Variants in ATXN2 observed in about 807,000 individuals in gnomAD.
ATXN2 encodes the protein ataxin 2.
In ATXN2, 37 loss-of-function variants were observed where a neutral mutation model predicts 138.6. The observed-to-expected ratio is 0.27, with a 90% CI of 0.21 to 0.35. The LOEUF is 0.35. Ranked by LOEUF, ATXN2 falls within the 10% of genes least tolerant of loss-of-function variation. The probability of loss-of-function intolerance (pLI) is 1.00; values close to 1 mark genes in which losing one functional copy is unlikely to be tolerated. For synonymous variants in ATXN2, 549 were observed against 543.7 expected, an observed-to-expected ratio of 1.01 and a Z score of -0.13; for missense variants, 1,216 against 1,480.3, an observed-to-expected ratio of 0.82 and a Z score of 2.93.
Position 111,552,807 on chromosome 12 carries a change from G to C in ATXN2, c.420+99C>G. 1 of 764,842 alleles carries C rather than the reference G, an allele frequency of 1.3e-6. No homozygotes were observed. Among genetic ancestry groups the C allele is most frequent in the Admixed American group, 3.3e-5 (1 of 29,930 alleles). The allele number at this position is 764,842 out of a possible 1,614,324, so 47.4% of individuals were successfully genotyped here. ...TAAAATAATCAGTATTTGAAACTGA[G>C]AAGTAAAATCATTCAAAGTGGCTTT... On this transcript the variant is annotated intron_variant, in intron 4 of 24. Coordinates refer to ENST00000673436, the MANE Select transcript of ATXN2 (RefSeq NM_001372574.1). This position sits in a 1 kb window ranked among gnomAD's most constrained non-coding sequence, Gnocchi z 4.1.
intron 14 of ATXN2, among the ~76,000 whole-genome samples, chr12:111,506,820 C>T (rs539081082): frequency 1.6e-4 from 25 of 152,198 alleles, no homozygotes; most frequent in Non-Finnish European, 3.1e-4. Context: ...CGCGCCGCCA[C>T]GCCTGACTGG....
At chr12:111,535,273 T>C (rs184827910) in intron 5 of ATXN2, among the ~76,000 whole-genome samples, 1 of 152,250 alleles carries the variant, frequency 6.6e-6, no homozygotes, top group East Asian at 1.9e-4. Context: ...TGAAAAAGTA[T>C]CTAAAACTCT....
chr12:111,462,453 T>TA (rs1287684773), intron 21 of ATXN2, among the ~76,000 whole-genome samples: 1 of 152,136 alleles, frequency 6.6e-6, no homozygotes, highest in African/African-American at 2.4e-5. Flanking sequence ...TTGCAAAACT[T>TA]ATAAAACAAA....
chr12:111,595,779 G>A (rs913248905), intron 1 of ATXN2, among the ~76,000 whole-genome samples: 34 of 152,182 alleles, frequency 2.2e-4, no homozygotes, highest in African/African-American at 8.2e-4. Context: ...CTGATGGTTG[G>A]GGGCAGTGGC....
intron 14 of ATXN2, among the ~76,000 whole-genome samples, chr12:111,506,555 T>TA (rs1042411730): frequency 1.3e-5 from 2 of 151,786 alleles, no homozygotes; most frequent in East Asian, 1.9e-4. Flanking sequence ...TGAATGATGT[T>TA]AAAAAAAATA....
At chr12:111,487,208 A>G (rs114591838) in intron 15 of ATXN2, among the ~76,000 whole-genome samples, 2,316 of 151,882 alleles carry the variant, frequency 0.015, 61 homozygotes, top group African/African-American at 0.053. Context: ...CCTCCTGATT[A>G]GCTGGGATTA....
intron 14 of ATXN2, among the ~76,000 whole-genome samples, chr12:111,499,418 T>C (rs1168461366): frequency 6.6e-6 from 1 of 152,152 alleles, no homozygotes; most frequent in Non-Finnish European, 1.5e-5. Context: ...AAAGACGACA[T>C]ACAGGCTGGG....
At chr12:111,542,116 C>T (rs925662786) in intron 5 of ATXN2, among the ~76,000 whole-genome samples, 3 of 147,240 alleles carry the variant, frequency 2.0e-5, no homozygotes, top group African/African-American at 4.9e-5. Context: ...AAATTGACAA[C>T]GTTGTAGTAT....
chr12:111,542,951 T>C (rs1484005460), intron 5 of ATXN2, among the ~76,000 whole-genome samples: 1 of 152,208 alleles, frequency 6.6e-6, no homozygotes, highest in African/African-American at 2.4e-5. Context: ...AGAGAATTTC[T>C]ATATACTCTA....
intron 5 of ATXN2, among the ~76,000 whole-genome samples, chr12:111,526,771 A>G (rs972752976): frequency 6.6e-6 from 1 of 152,196 alleles, no homozygotes; most frequent in African/African-American, 2.4e-5. Context: ...GCAGCCAAAT[A>G]TATGTGGATT....
chr12:111,561,160 G>A (rs1378128707), intron 1 of ATXN2, among the ~76,000 whole-genome samples: 2 of 151,848 alleles, frequency 1.3e-5, no homozygotes, highest in Non-Finnish European at 2.9e-5. Context: ...ACTCCAGCCT[G>A]GGCAATACAG....
intron 18 of ATXN2, among the ~76,000 whole-genome samples, chr12:111,474,641 T>C (rs188250227): frequency 6.6e-6 from 1 of 152,184 alleles, no homozygotes; most frequent in Non-Finnish European, 1.5e-5. Flanking sequence ...AACTTAAAGA[T>C]ACACACTAAA....
chr12:111,591,242 T>C (rs1482529341), intron 1 of ATXN2, among the ~76,000 whole-genome samples: 1 of 152,088 alleles, frequency 6.6e-6, no homozygotes, highest in African/African-American at 2.4e-5. Context: ...AAAACCATCT[T>C]CCACAAAACC....
intron 1 of ATXN2, among the ~76,000 whole-genome samples, chr12:111,567,394 G>C (rs1883070836): frequency 6.6e-6 from 1 of 151,784 alleles, no homozygotes; most frequent in Non-Finnish European, 1.5e-5. Context: ...CAGATACTCA[G>C]GAGGCTGAGG....
At chr12:111,543,970 T>C (rs774966545) in intron 5 of ATXN2, among the ~76,000 whole-genome samples, 25 of 152,056 alleles carry the variant, frequency 1.6e-4, no homozygotes, top group South Asian at 6.2e-4. Flanking sequence ...CCCAGCTACT[T>C]GGGAGGCTGA....
At chr12:111,477,180 T>TA (rs57940846) in intron 18 of ATXN2, among the ~76,000 whole-genome samples, 34,228 of 121,492 alleles carry the variant, frequency 0.28, 5,631 homozygotes, top group East Asian at 0.89. Flanking sequence ...CTGTCTCTAC[T>TA]AAAAAAAAAA....
At chr12:111,537,838 G>A (rs1397758740) in intron 5 of ATXN2, among the ~76,000 whole-genome samples, 1 of 152,052 alleles carries the variant, frequency 6.6e-6, no homozygotes, top group Admixed American at 6.6e-5. Context: ...GTTCATGCCT[G>A]TAATCCCAGC....
intron 1 of ATXN2, among the ~76,000 whole-genome samples, chr12:111,580,346 C>T (rs1883925215): frequency 6.6e-6 from 1 of 151,426 alleles, no homozygotes; most frequent in Non-Finnish European, 1.5e-5. Flanking sequence ...AGTAATTAGC[C>T]GGACATGGTG....
chr12:111,485,913 T>C, intron 16 of ATXN2, 48 bp from the exon 17 acceptor site: 1 of 1,557,644 alleles, frequency 6.4e-7, no homozygotes, highest in Non-Finnish European at 8.8e-7. Flanking sequence ...ACAGATGAAC[T>C]ATTATTGCAA....
Sources: allele counts gnomAD v4.1 joint callset (sites outside exome capture counted in the v4.1 genomes callset), GRCh38; gene constraint gnomAD v4.1.1; non-coding constraint Gnocchi (gnomAD v3.1); transcripts MANE v1.5; gene names NCBI Gene and HGNC (gene_info 2026-07-23, HGNC 2026-07-21).